CCT6B: variants seen among roughly 807,000 people sequenced by gnomAD.
CCT6B encodes probable T-complex protein 1 subunit zeta-2.
Under a neutral mutation model 61.5 loss-of-function variants are expected in CCT6B, and 49 were observed. The observed-to-expected ratio is 0.80, with a 90% CI of 0.63 to 1.01. CCT6B has a LOEUF of 1.01. Ranked by LOEUF, CCT6B falls within the 50% of genes least tolerant of loss-of-function variation. The probability of loss-of-function intolerance (pLI) is 0.00; values close to 1 mark genes in which losing one functional copy is unlikely to be tolerated. For synonymous variants in CCT6B, 228 were observed against 214.5 expected (o/e 1.06, Z -0.55); for missense variants, 666 against 634.7 (o/e 1.05, Z -0.53).
intron 8 of CCT6B, 117 bp from the exon 9 acceptor site, chr17:34,939,830 T>C: frequency 1.5e-6 from 1 of 674,714 alleles, no homozygotes; most frequent in Non-Finnish European, 2.6e-6. Context: ...TTGTTTTGGG[T>C]TTTTAATTGT....
chr17:34,950,404 CACA>C (rs1455457636), intron 5 of CCT6B, among the ~76,000 whole-genome samples: 2 of 152,034 alleles, frequency 1.3e-5, no homozygotes, highest in Non-Finnish European at 2.9e-5. Flanking sequence ...AAAAAATTAT[CACA>C]ACAAGGAAAG....
chr17:34,952,799 G>A (rs961643890), intron 4 of CCT6B, among the ~76,000 whole-genome samples: 2 of 152,152 alleles, frequency 1.3e-5, no homozygotes, highest in African/African-American at 4.8e-5. Flanking sequence ...AGAAAAAACT[G>A]TATCTTAGAA....
At chr17:34,936,185 G>A (rs1356941661) in intron 10 of CCT6B, among the ~76,000 whole-genome samples, 1 of 152,108 alleles carries the variant, frequency 6.6e-6, no homozygotes, top group East Asian at 1.9e-4. Flanking sequence ...CTGACCTCAG[G>A]TGACCCATGC....
In CCT6B at chr17:34,958,578, A is replaced by G; in HGVS notation, c.318T>C (p.Ala106=). The G allele has an allele frequency of 6.4e-7, 1 of 1,572,986 alleles. No homozygotes were observed. The highest frequency in any genetic ancestry group is 8.6e-7 in the Non-Finnish European group (1 of 1,158,228). The change falls in exon 3 of 14, where the codon GCT becomes GCC. Residue 106 remains alanine (A), a synonymous_variant. Transcript: ENST00000314144. ...CTAATACCTCAGAAATGTACAGGTC[A>G]GCTTGTTTTAATAACTCTCCAATAA... ...VLIIGELLKQ[A]DLYISEGLHP...
At chr17:34,928,563 G>A (rs982524035) in intron 13 of CCT6B, among the ~76,000 whole-genome samples, 18 of 152,116 alleles carry the variant, frequency 1.2e-4, no homozygotes, top group South Asian at 4.1e-4. Context: ...GTGAGCCACC[G>A]CACTGGCCCA....
intron 13 of CCT6B, among the ~76,000 whole-genome samples, chr17:34,928,452 T>C (rs997582193): frequency 1.3e-5 from 2 of 151,834 alleles, no homozygotes; most frequent in East Asian, 1.9e-4. Context: ...TTTGTATTTT[T>C]AGTAGAGACA....
At position 34,930,977 on chromosome 17, in the gene CCT6B, T is replaced by C; in HGVS notation, c.1422A>G (p.Lys474=). The change falls in exon 12 of 14, where the codon AAA becomes AAG. Residue 474 remains lysine, a synonymous_variant. Transcript: ENST00000314144. ...VKVQAEHVES[K]QLVGVDLNTG... ...TATTCAAATCTACGCCCACAAGTTGTTTTGACTCGACATGCTCAGCCTGAA... is the reference window on the plus strand; with the variant it reads ...TATTCAAATCTACGCCCACAAGTTGCTTTGACTCGACATGCTCAGCCTGAA... 6.2e-7 allele frequency: 1 copy of C among 1,604,418 alleles called. No homozygotes were observed. The highest frequency in any genetic ancestry group is 8.5e-7 in the Non-Finnish European group (1 of 1,173,200).
chr17:34,935,092 G>A (rs2090078966), intron 10 of CCT6B, among the ~76,000 whole-genome samples: 1 of 152,140 alleles, frequency 6.6e-6, no homozygotes, highest in Non-Finnish European at 1.5e-5. Flanking sequence ...AGGAAATTCT[G>A]GCACATGCTA....
At chr17:34,953,335 A>AT (rs1372498385) in intron 4 of CCT6B, among the ~76,000 whole-genome samples, 2 of 128,932 alleles carry the variant, frequency 1.6e-5, no homozygotes, top group African/African-American at 5.4e-5. Flanking sequence ...ATATATATAT[A>AT]TATATATTTT....
At chr17:34,934,338 C>T (rs1597738404) in intron 10 of CCT6B, among the ~76,000 whole-genome samples, 1 of 152,054 alleles carries the variant, frequency 6.6e-6, no homozygotes, top group East Asian at 1.9e-4. Context: ...AAAGTTGAAA[C>T]TGTTGATCAG....
At chr17:34,930,903 A>G in intron 12 of CCT6B, 46 bp downstream of exon 12, 1 of 994,198 alleles carries the variant, frequency 1.0e-6, no homozygotes, top group Non-Finnish European at 1.6e-6. Flanking sequence ...GGGTAACTAA[A>G]GAATAACCTC....
At chr17:34,940,429 G>T in intron 8 of CCT6B, 110 bp downstream of exon 8, 5 of 598,446 alleles carry the variant, frequency 8.4e-6, no homozygotes, top group South Asian at 2.5e-5. Context: ...ATTTTTTTAT[G>T]CCACTGTTTT....
chr17:34,939,563 TA>T, intron 9 of CCT6B, 53 bp downstream of exon 9: 4 of 1,153,672 alleles, frequency 3.5e-6, no homozygotes, highest in Non-Finnish European at 5.1e-6. Context: ...TATTTTTCTT[TA>T]AAAAAGGGGG....
At chr17:34,936,282 A>T (rs1471992757) in intron 10 of CCT6B, among the ~76,000 whole-genome samples, 1 of 152,114 alleles carries the variant, frequency 6.6e-6, no homozygotes, top group Non-Finnish European at 1.5e-5. Flanking sequence ...CTGTCAGCAA[A>T]CTAGGTGCAG....
At chr17:34,943,008 AC>A in intron 5 of CCT6B, 102 bp from the exon 6 acceptor site, 1 of 656,834 alleles carries the variant, frequency 1.5e-6, no homozygotes, top group Non-Finnish European at 2.5e-6. Context: ...TCCAGGACAC[AC>A]ATTGTTTCCT....
intron 5 of CCT6B, among the ~76,000 whole-genome samples, chr17:34,947,211 G>A (rs1417554108): frequency 1.3e-5 from 2 of 152,148 alleles, no homozygotes; most frequent in Non-Finnish European, 2.9e-5. Flanking sequence ...CATTTAACTG[G>A]AGAAGGAGAA....
rs1344290678 is a variant in CCT6B at position 34,954,562 on chromosome 17, G to C, written c.374C>G (p.Ala125Gly). ...AACTTCAAGTGCTTTTATCTTTGCAGCTTCAAATCCTTCAGCTATTATTCT... is the reference window on the plus strand; with the variant it reads ...AACTTCAAGTGCTTTTATCTTTGCACCTTCAAATCCTTCAGCTATTATTCT... ...HPRIIAEGFE[A>G]AKIKALEVLE... The change falls in exon 4 of 14, where the codon GCT (alanine) becomes GGT (glycine). Residue 125 changes from alanine (A) to glycine (G), a missense_variant. Coordinates refer to ENST00000314144, the MANE Select transcript of CCT6B (RefSeq NM_006584.4). 1.9e-6 allele frequency: 3 copies of C among 1,613,302 alleles called. No individual in the cohort carries two copies. The highest frequency in any genetic ancestry group is 1.6e-4 in the Middle Eastern group (1 of 6,082).
intron 5 of CCT6B, among the ~76,000 whole-genome samples, chr17:34,947,789 C>T (rs1466023276): frequency 6.6e-6 from 1 of 151,970 alleles, no homozygotes; most frequent in Non-Finnish European, 1.5e-5. Flanking sequence ...CAAAACCAGC[C>T]TGGCCAACAT....
intron 5 of CCT6B, 143 bp from the exon 6 acceptor site, chr17:34,943,049 T>C (rs534826623): frequency 1.7e-6 from 1 of 585,010 alleles, no homozygotes; most frequent in Non-Finnish European, 3.0e-6. Flanking sequence ...TTTGGTGTTT[T>C]TGTTTTTTGT....
Sources: allele counts gnomAD v4.1 joint callset (sites outside exome capture counted in the v4.1 genomes callset), GRCh38; gene constraint gnomAD v4.1.1; transcripts MANE v1.5; gene names NCBI Gene and HGNC (gene_info 2026-07-23, HGNC 2026-07-21).